Variants in PLCB1 observed in about 807,000 individuals in gnomAD.
The protein encoded by PLCB1 is phospholipase C beta 1.
A neutral mutation model predicts 161.8 loss-of-function variants in PLCB1; 46 were observed. That is an observed-to-expected ratio of 0.28 (90% confidence interval 0.22 to 0.36). The LOEUF (loss-of-function observed/expected upper bound fraction) is 0.36, where lower values mean the gene tolerates loss of function less well. PLCB1 is among the 10% of genes least tolerant of loss of function. The pLI, the probability that PLCB1 is intolerant of heterozygous loss-of-function variation, is 1.00. For synonymous variants in PLCB1, 517 were observed against 503.7 expected, an observed-to-expected ratio of 1.03 and a Z score of -0.35; for missense variants, 1,016 against 1,472.5, an observed-to-expected ratio of 0.69 and a Z score of 5.07.
chr20:8,637,324 A>T (rs1020229668), intron 4 of PLCB1, among the ~76,000 whole-genome samples: 2 of 152,240 alleles, frequency 1.3e-5, no homozygotes, highest in Admixed American at 6.5e-5. Context: ...TATAATTTTC[A>T]TTCATTCAAC....
chr20:8,368,344 A>T (rs535210904), intron 2 of PLCB1, among the ~76,000 whole-genome samples: 1 of 152,122 alleles, frequency 6.6e-6, no homozygotes, highest in East Asian at 1.9e-4. Flanking sequence ...CCTGGCCAAC[A>T]TAGCAAAATG....
intron 2 of PLCB1, among the ~76,000 whole-genome samples, chr20:8,265,380 ACC>A (rs1981907212): frequency 1.3e-5 from 2 of 152,202 alleles, no homozygotes; most frequent in Non-Finnish European, 2.9e-5. Flanking sequence ...ATGGCGAAGT[ACC>A]ATTTAAGACT....
intron 2 of PLCB1, among the ~76,000 whole-genome samples, chr20:8,360,897 C>T (rs912198412): frequency 6.6e-6 from 1 of 152,126 alleles, no homozygotes; most frequent in Non-Finnish European, 1.5e-5. Flanking sequence ...AATTGTGATA[C>T]ATTTTGGAAT....
intron 3 of PLCB1, among the ~76,000 whole-genome samples, chr20:8,407,635 T>A (rs180761145): frequency 2.9e-4 from 44 of 152,302 alleles, no homozygotes; most frequent in African/African-American, 1.0e-3. Context: ...TGATCTTCCC[T>A]TGGGTCCCTT....
chr20:8,651,790 C>G (rs6140667), intron 7 of PLCB1: 14,208 of 335,534 alleles, frequency 0.042, 793 homozygotes, highest in East Asian at 0.21. Context: ...AGAAGGGAAG[C>G]TCATTCCAGA....
At chr20:8,507,523 G>A (rs568092664) in intron 3 of PLCB1, among the ~76,000 whole-genome samples, 1 of 152,262 alleles carries the variant, frequency 6.6e-6, no homozygotes, top group South Asian at 2.1e-4. Flanking sequence ...TTTTAGGACG[G>A]TGAACATTTT....
At chr20:8,387,113 T>A (rs1987446749) in intron 3 of PLCB1, among the ~76,000 whole-genome samples, 1 of 152,134 alleles carries the variant, frequency 6.6e-6, no homozygotes, top group Non-Finnish European at 1.5e-5. Context: ...TTCACTGGAG[T>A]AGCAATTTTA....
At chr20:8,824,121 G>A (rs182266729) in intron 31 of PLCB1, among the ~76,000 whole-genome samples, 11 of 152,044 alleles carry the variant, frequency 7.2e-5, no homozygotes, top group South Asian at 4.2e-4. Context: ...ACAAAATTGC[G>A]TTTTTTGAAA....
At chr20:8,308,924 C>G (rs1273321928) in intron 2 of PLCB1, among the ~76,000 whole-genome samples, 1 of 151,272 alleles carries the variant, frequency 6.6e-6, no homozygotes, top group Non-Finnish European at 1.5e-5. Flanking sequence ...AGATTTTTTT[C>G]TTTTTAATAT....
intron 5 of PLCB1, 103 bp downstream of exon 5, chr20:8,646,284 G>A (rs961196859): frequency 3.9e-6 from 3 of 768,110 alleles, no homozygotes; most frequent in African/African-American, 3.5e-5. Context: ...TTCTCACATT[G>A]ATAAACACAA....
chr20:8,670,767 AG>A (rs1432975577), intron 9 of PLCB1, among the ~76,000 whole-genome samples: 1 of 152,202 alleles, frequency 6.6e-6, no homozygotes, highest in Non-Finnish European at 1.5e-5. Context: ...AAGATAACTG[AG>A]AAGGGAACAT....
At chr20:8,714,773 C>T (rs911590071) in intron 12 of PLCB1, among the ~76,000 whole-genome samples, 18 of 152,106 alleles carry the variant, frequency 1.2e-4, no homozygotes, top group African/African-American at 3.6e-4. Flanking sequence ...CCCTGCAGTT[C>T]CAAGAAAGCA....
At position 8,482,092 on chromosome 20, in the gene PLCB1, A is replaced by ATTTTTTTT. The variant is rs199634903; in HGVS notation, c.246+110665_246+110672dup. Among the ~76,000 whole-genome samples the ATTTTTTTT allele has an allele frequency of 3.0e-3, 312 of 104,818 alleles. 32 individuals carry two copies. Among genetic ancestry groups the ATTTTTTTT allele is most frequent in the African/African-American group, 0.011 (253 of 23,590 alleles). The allele number at this position is 104,818 out of a possible 152,430, so 68.8% of individuals were successfully genotyped here. A position where few individuals can be genotyped will look rare whatever the true frequency, so the allele number is the denominator to read the frequency against. ...TTCAATTTATTTTGTGCTTGAAGGA[A>ATTTTTTTT]TTTTTTTTTTTTTTTTTTTTTTTTT... On this transcript the variant is annotated intron_variant, in intron 3 of 31. Transcript: ENST00000338037.
intron 25 of PLCB1, among the ~76,000 whole-genome samples, chr20:8,761,679 C>T (rs6056071): frequency 0.25 from 37,316 of 151,754 alleles, 5,181 homozygotes; most frequent in Non-Finnish European, 0.32. Flanking sequence ...CCACCACACC[C>T]GGCTAATTTT....
At chr20:8,580,192 A>T (rs1007509052) in intron 3 of PLCB1, among the ~76,000 whole-genome samples, 11 of 152,330 alleles carry the variant, frequency 7.2e-5, no homozygotes, top group Admixed American at 5.9e-4. Context: ...GCGAACTCCA[A>T]ACTGGGGTGG....
chr20:8,641,827 T>C (rs1384255427), intron 4 of PLCB1, among the ~76,000 whole-genome samples: 1 of 152,152 alleles, frequency 6.6e-6, no homozygotes, highest in Non-Finnish European at 1.5e-5. Flanking sequence ...AGCAGAGTAA[T>C]AGCAATCAAG....
At chr20:8,537,584 G>C (rs1438783027) in intron 3 of PLCB1, among the ~76,000 whole-genome samples, 1 of 152,012 alleles carries the variant, frequency 6.6e-6, no homozygotes, top group African/African-American at 2.4e-5. Context: ...GCCCTTTCCT[G>C]CCCCGCTCAT....
intron 2 of PLCB1, among the ~76,000 whole-genome samples, chr20:8,298,100 G>A (rs1983722345): frequency 6.6e-6 from 1 of 151,772 alleles, no homozygotes; most frequent in Admixed American, 6.6e-5. Context: ...TTCAAGACCA[G>A]CCTGAACAAC....
rs538607968 is a variant in PLCB1 at position 8,360,135 on chromosome 20, CA to C, written c.178-11244del. On this transcript the variant is annotated intron_variant, in intron 2 of 31. Coordinates refer to ENST00000338037, the MANE Select transcript of PLCB1 (RefSeq NM_015192.4). ...CTAAGCTACTGAAAGCTGCAGAGCA[CA>C]AATTACACCTCGAGTTGCTTCTCCT... 1.7e-3 allele frequency among the ~76,000 whole-genome samples: 256 copies of C among 152,306 alleles called. 1 individual carries two copies. The highest frequency in any genetic ancestry group is 5.4e-3 in the African/African-American group (226 of 41,572).
Sources: gnomAD v4.1 joint callset for allele counts (sites outside exome capture counted in the v4.1 genomes callset) on GRCh38, gnomAD v4.1.1 for gene constraint, MANE v1.5 for transcripts, NCBI Gene and HGNC (gene_info 2026-07-23, HGNC 2026-07-21) for gene names.